The following PLEKHG4B variants were observed in gnomAD, a reference collection of about 807,000 sequenced individuals.
The protein encoded by PLEKHG4B is pleckstrin homology domain-containing family G member 4B.
A neutral mutation model predicts 121.3 loss-of-function variants in PLEKHG4B; 111 were observed. That is an observed-to-expected ratio of 0.92 (90% CI 0.78 to 1.07). The LOEUF is 1.07. Among genes scored for constraint, PLEKHG4B ranks in the 50% least tolerant of loss-of-function variants. The probability of loss-of-function intolerance (pLI) is 0.00; values close to 1 mark genes in which losing one functional copy is unlikely to be tolerated. For synonymous variants in PLEKHG4B, 738 were observed against 725.0 expected (o/e 1.02, Z -0.29); for missense variants, 1,831 against 1,757.8 (o/e 1.04, Z -0.74).
At position 113,435 on chromosome 5, in the gene PLEKHG4B, A is replaced by G; in HGVS notation, c.230A>G (p.Gln77Arg). Residue 77 changes from glutamine to arginine, a missense_variant, in exon 2 of 20, where the codon CAG becomes CGG. Transcript: ENST00000637938. This position sits in a 1 kb window ranked among gnomAD's most constrained non-coding sequence, Gnocchi z 5.2. ...LPAKRALQHL[Q>R]QEACARYRGL... ...GCCAAGAGGGCCCTGCAGCACCTGC[A>G]GCAGGAAGCCTGTGTGAGTACCTCC... 2.5e-6 allele frequency: 1 copy of G among 399,104 alleles called. No homozygotes were observed. The allele number at this position is 399,104 out of a possible 1,614,324, so 24.7% of individuals were successfully genotyped here. A position where few individuals can be genotyped will look rare whatever the true frequency, so the allele number is the denominator to read the frequency against.
chr5:162,611 T>C, intron 12 of PLEKHG4B, 111 bp from the exon 13 acceptor site: 1 of 800,550 alleles, frequency 1.2e-6, no homozygotes, highest in Non-Finnish European at 1.7e-6. Context: ...TCGCTCTGCT[T>C]TCTGGCCCCC....
chr5:108,950 C>T (rs1234068801), intron 1 of PLEKHG4B, among the ~76,000 whole-genome samples: 2 of 152,204 alleles, frequency 1.3e-5, no homozygotes, highest in African/African-American at 2.4e-5. Context: ...CCTGATGGGC[C>T]TGAATGGCTG....
chr5:164,702 GCTCTGACGGGGCGGAGCTCACACTAATA>G (rs1560945231), intron 13 of PLEKHG4B, among the ~76,000 whole-genome samples: 14 of 44,260 alleles, frequency 3.2e-4, no homozygotes, highest in South Asian at 1.0e-3. Flanking sequence ...TCACACTAAT[GCTCTGACGGGGCGGAGCTCACACTAATA>G]CTCTGACGGG....
chr5:158,563 C>T (rs1359651254), intron 11 of PLEKHG4B, among the ~76,000 whole-genome samples: 3 of 150,122 alleles, frequency 2.0e-5, no homozygotes, highest in Non-Finnish European at 3.0e-5. Context: ...CCTCCTCCCT[C>T]TGCCCGTCCT....
chr5:119,698 T>C (rs966285566), intron 2 of PLEKHG4B, among the ~76,000 whole-genome samples: 10 of 152,164 alleles, frequency 6.6e-5, no homozygotes, highest in Non-Finnish European at 1.2e-4. Context: ...GAAGCCACTG[T>C]CATGCCTGGG....
At chr5:158,758 A>C (rs1735890008) in intron 11 of PLEKHG4B, among the ~76,000 whole-genome samples, 1 of 135,272 alleles carries the variant, frequency 7.4e-6, no homozygotes, top group African/African-American at 3.0e-5. Context: ...TGTCTCCCCC[A>C]TCTCCCCTCC....
chr5:106,278 G>C (rs913222256), intron 1 of PLEKHG4B, among the ~76,000 whole-genome samples: 1 of 152,142 alleles, frequency 6.6e-6, no homozygotes, highest in African/African-American at 2.4e-5. Flanking sequence ...AGGAAAGCAC[G>C]AGTACTGCTG....
Position 169,589 on chromosome 5 carries a change from A to G in PLEKHG4B, c.3726A>G (p.Arg1242=), listed in dbSNP as rs771118328. ...TGGCCGTGGGCCGCAGTTTCCTGAG[A>G]CACGTAAGTGCAGGCCATGGCGTGG... ...CPLAVGRSFL[R]HEEQFGMYVI... is the part of the protein sequence containing the mutation. Residue 1242 remains arginine (R), a synonymous_variant, in exon 14 of 20, where the codon AGA becomes AGG. Coordinates refer to ENST00000637938, the MANE Select transcript of PLEKHG4B (RefSeq NM_052909.5). The G allele has an allele frequency of 9.9e-6, 16 of 1,612,976 alleles. No individual in the cohort carries two copies. The highest frequency in any genetic ancestry group is 1.4e-5 in the Non-Finnish European group (16 of 1,180,014).
At position 113,829 on chromosome 5, in the gene PLEKHG4B, C is replaced by T. The variant is rs1560903322; in HGVS notation, c.243+381C>T. Among the ~76,000 whole-genome samples, 1 of 152,084 alleles carries T rather than the reference C, an allele frequency of 6.6e-6. No homozygotes were observed. The highest frequency in any genetic ancestry group is 2.4e-5 in the African/African-American group (1 of 41,400). ...CAGAGCTAAGTTACTGCAGCAGTAA[C>T]AATGAAGGCCCACCTGGAAGGGATA... is the stretch of plus-strand genomic sequence containing the variant. On this transcript the variant is annotated intron_variant, in intron 2 of 19. Transcript: ENST00000637938. This position sits in a 1 kb window ranked among gnomAD's most constrained non-coding sequence, Gnocchi z 5.2.
Position 182,653 on chromosome 5 carries a change from C to T in PLEKHG4B, c.*330C>T, listed in dbSNP as rs571493725. Reference sequence around the variant, plus strand: ...CAAGACATTTGGCAACAAAGGACCGCGATCCCTGAGAGACAGGAAAACGGG... The same window carrying T: ...CAAGACATTTGGCAACAAAGGACCGTGATCCCTGAGAGACAGGAAAACGGG... On this transcript the variant is annotated 3_prime_UTR_variant, in exon 20 of 20. Transcript: ENST00000637938. 29 of 292,414 alleles carry T rather than the reference C, an allele frequency of 9.9e-5. No homozygotes were observed. In the East Asian group the frequency reaches 1.8e-3, roughly 18 times the overall value. 18.1% of individuals were successfully genotyped at this position (292,414 alleles called of 1,614,324 possible).
At position 182,267 on chromosome 5, in the gene PLEKHG4B, G is replaced by C; in HGVS notation, c.4828G>C (p.Ala1610Pro). 6.2e-7 allele frequency: 1 copy of C among 1,613,078 alleles called. No individual in the cohort carries two copies. Reference sequence around the variant, plus strand: ...GCCAGAACTAGAGACGGGCACCCAGGCTGCAGTGTGTGAGGGGGCTCCTGC... The same window carrying C: ...GCCAGAACTAGAGACGGGCACCCAGCCTGCAGTGTGTGAGGGGGCTCCTGC... ...PEPELETGTQ[A>P]AVCEGAPAVL... The change falls in exon 20 of 20, where the codon GCT (alanine) becomes CCT (proline). Residue 1610 changes from alanine (A) to proline (P), a missense_variant. By Grantham distance (27) the Ala-to-Pro change is conservative. Transcript: ENST00000637938.
chr5:110,441 ACAC>A (rs1734117639), intron 1 of PLEKHG4B, among the ~76,000 whole-genome samples: 1 of 145,558 alleles, frequency 6.9e-6, no homozygotes, highest in Non-Finnish European at 1.5e-5. Context: ...GCACACACCC[ACAC>A]AATCTGCAAC....
In PLEKHG4B at chr5:163,505, G is replaced by A; in HGVS notation, c.3433G>A (p.Gly1145Arg). 6.2e-7 allele frequency: 1 copy of A among 1,611,624 alleles called. No homozygotes were observed. Among genetic ancestry groups the A allele is most frequent in the South Asian group, 1.1e-5 (1 of 91,000 alleles). Reference protein sequence around the residue: ...TQSRSLSSPSGLHPAEEDGRQ... With the variant: ...TQSRSLSSPSRLHPAEEDGRQ... ...GAGCCGGAGTCTGTCCTCCCCCTCGGGGCTCCACCCTGCTGAGGAGGATGG... is the reference window on the plus strand; with the variant it reads ...GAGCCGGAGTCTGTCCTCCCCCTCGAGGCTCCACCCTGCTGAGGAGGATGG... Residue 1145 changes from glycine (G) to arginine (R), a missense_variant, in exon 13 of 20, where the codon GGG becomes AGG. Transcript: ENST00000637938.
At chr5:96,112 T>G (rs191821825) in intron 1 of PLEKHG4B, among the ~76,000 whole-genome samples, 9 of 152,338 alleles carry the variant, frequency 5.9e-5, no homozygotes, top group East Asian at 1.9e-4. Context: ...GGTGGTGGTG[T>G]TACAGTGGTT....
intron 2 of PLEKHG4B, among the ~76,000 whole-genome samples, chr5:130,061 A>AAGAGAGAG (rs754535739): frequency 0.027 from 4,056 of 150,410 alleles, 170 homozygotes; most frequent in African/African-American, 0.088. Flanking sequence ...AGTGAATATG[A>AAGAGAGAG]AGAGAGAGTG....
At position 140,530 on chromosome 5, in the gene PLEKHG4B, C is replaced by T. The variant is rs369792305; in HGVS notation, c.1291C>T (p.Arg431Trp). ...PSRTGPGAAG[R>W]TLPRRSRSWE... ...CCGGACAGGTCCAGGAGCTGCAGGG[C>T]GGACTCTTCCCAGGAGATCTCGGTC... The change falls in exon 3 of 20, where the codon CGG (arginine) becomes TGG (tryptophan). Residue 431 changes from arginine (R) to tryptophan (W), a missense_variant. Transcript: ENST00000637938. 6.9e-6 allele frequency: 11 copies of T among 1,599,020 alleles called. No homozygotes were observed. The highest frequency in any genetic ancestry group is 5.6e-5 in the South Asian group (5 of 88,998).
rs1362769097 is a variant in PLEKHG4B, at chr5:162,914, C to A, written c.2842C>A (p.Pro948Thr). Residue 948 changes from proline (P) to threonine (T), a missense_variant, in exon 13 of 20, where the codon CCC becomes ACC. Coordinates refer to ENST00000637938, the MANE Select transcript of PLEKHG4B (RefSeq NM_052909.5). ...ASQQDLWLQYPQTRLRLEEAL... is the reference protein window; with the variant it reads ...ASQQDLWLQYTQTRLRLEEAL... ...ACAGCAAGACCTGTGGCTGCAGTAC[C>A]CCCAGACCCGGCTCCGTCTGGAAGA... is the stretch of plus-strand genomic sequence containing the variant. 1 of 1,542,766 alleles carries A rather than the reference C, an allele frequency of 6.5e-7. No individual in the cohort carries two copies. Among genetic ancestry groups the A allele is most frequent in the East Asian group, 2.3e-5 (1 of 42,818 alleles).
At chr5:146,359 C>T (rs562842815) in intron 6 of PLEKHG4B, among the ~76,000 whole-genome samples, 18 of 144,594 alleles carry the variant, frequency 1.2e-4, no homozygotes, top group African/African-American at 4.7e-4. Flanking sequence ...CCCTCCTCTC[C>T]ACCCCCACAG....
chr5:131,118 C>CTTTTT (rs370839530), intron 2 of PLEKHG4B, among the ~76,000 whole-genome samples: 3 of 148,070 alleles, frequency 2.0e-5, no homozygotes, highest in Non-Finnish European at 3.0e-5. Flanking sequence ...AAGCTGCTTC[C>CTTTTT]TTTTTTTTTT....
Sources: gnomAD v4.1 joint callset for allele counts (sites outside exome capture counted in the v4.1 genomes callset) on GRCh38, gnomAD v4.1.1 for gene constraint, Gnocchi (gnomAD v3.1) non-coding constraint, MANE v1.5 for transcripts, NCBI Gene and HGNC (gene_info 2026-07-23, HGNC 2026-07-21) for gene names.